Variants in GIGYF2 observed in about 807,000 individuals in gnomAD.
GIGYF2 encodes the protein GRB10-interacting GYF protein 2.
Under a neutral mutation model 208.1 loss-of-function variants are expected in GIGYF2, and 25 were observed. That is an observed-to-expected ratio of 0.12 (90% CI 0.09 to 0.17). The LOEUF is 0.17. GIGYF2 is among the 10% of genes least tolerant of loss of function. The probability of loss-of-function intolerance (pLI) is 1.00; values close to 1 mark genes in which losing one functional copy is unlikely to be tolerated. For missense variants in GIGYF2, 1,302 were observed against 1,579.4 expected (o/e 0.82, Z 2.98); for synonymous variants, 534 against 543.8 (o/e 0.98, Z 0.25).
At position 232,845,773 on chromosome 2, in the gene GIGYF2, A is replaced by C; in HGVS notation, c.3347A>C (p.Glu1116Ala). ...GVSNRQNKKVEEEEKLLKLFQ... is the reference protein window; with the variant it reads ...GVSNRQNKKVAEEEKLLKLFQ... ...TCTAACCGGCAGAATAAGAAAGTAG[A>C]AGAAGAAGAAAAGTTGCTGAAGCTC... Residue 1116 changes from glutamate to alanine, a missense_variant, in exon 26 of 29, where the codon GAA becomes GCA. By Grantham distance (107) the Glu-to-Ala change is moderately radical. Around this residue, in one of 8 missense-constraint regions of GIGYF2, gnomAD observed 701 missense variants for 793.0 expected, o/e 0.88. Transcript: ENST00000373563. The C allele has an allele frequency of 6.2e-7, 1 of 1,607,070 alleles. No individual in the cohort carries two copies. Among genetic ancestry groups the C allele is most frequent in the East Asian group, 2.2e-5 (1 of 44,860 alleles).
At chr2:232,833,723 G>T (rs1243407108) in intron 22 of GIGYF2, among the ~76,000 whole-genome samples, 1 of 152,172 alleles carries the variant, frequency 6.6e-6, no homozygotes, top group Non-Finnish European at 1.5e-5. Flanking sequence ...GTTGCTCCCA[G>T]AGAGCTCACC....
chr2:232,846,249 A>G (rs555436163), intron 26 of GIGYF2, among the ~76,000 whole-genome samples: 2 of 152,324 alleles, frequency 1.3e-5, no homozygotes, highest in South Asian at 2.1e-4. Flanking sequence ...TGGACAAGTG[A>G]TGGCTGAAGT....
intron 12 of GIGYF2, among the ~76,000 whole-genome samples, chr2:232,792,480 T>TAATC (rs1369383095): frequency 3.9e-5 from 6 of 152,166 alleles, no homozygotes; most frequent in African/African-American, 1.4e-4. Flanking sequence ...CACGTGCTTG[T>TAATC]AATCCCAGCT....
chr2:232,815,869 A>G (rs1250597147), intron 19 of GIGYF2, 132 bp downstream of exon 19: 1 of 681,084 alleles, frequency 1.5e-6, no homozygotes, highest in East Asian at 2.7e-5. Flanking sequence ...GTATAAGTAC[A>G]TTCATATTGT....
intron 8 of GIGYF2, among the ~76,000 whole-genome samples, chr2:232,762,245 TTTTTG>T (rs1428131940): frequency 2.7e-5 from 4 of 148,462 alleles, no homozygotes; most frequent in African/African-American, 9.9e-5. Context: ...TTTGTTTTTT[TTTTTG>T]TTTTTTTTTG....
At chr2:232,778,079 C>T (rs990194475) in intron 8 of GIGYF2, among the ~76,000 whole-genome samples, 4 of 151,978 alleles carry the variant, frequency 2.6e-5, no homozygotes, top group African/African-American at 9.6e-5. Flanking sequence ...CCACCCCCTG[C>T]AGTAATGCCA....
chr2:232,832,115 G>A (rs994565334), intron 21 of GIGYF2, among the ~76,000 whole-genome samples: 2 of 152,190 alleles, frequency 1.3e-5, no homozygotes, highest in East Asian at 1.9e-4. Flanking sequence ...CAAAGGTGAA[G>A]TATACCTCCT....
chr2:232,779,584 A>G (rs1029747012), intron 8 of GIGYF2, among the ~76,000 whole-genome samples: 1 of 152,156 alleles, frequency 6.6e-6, no homozygotes, highest in East Asian at 1.9e-4. Context: ...CCACATGTCC[A>G]AGCCAACTAC....
intron 3 of GIGYF2, among the ~76,000 whole-genome samples, chr2:232,739,459 G>A (rs535266559): frequency 6.0e-5 from 9 of 148,902 alleles, no homozygotes; most frequent in African/African-American, 2.2e-4. Context: ...GATCACTTGA[G>A]CCCAGAAGTT....
chr2:232,730,608 A>AG (rs1353595120), intron 2 of GIGYF2, among the ~76,000 whole-genome samples: 15 of 139,362 alleles, frequency 1.1e-4, no homozygotes, highest in African/African-American at 4.0e-4. Flanking sequence ...CAGTCTTAAA[A>AG]AAAAAAAAGG....
intron 5 of GIGYF2, among the ~76,000 whole-genome samples, chr2:232,752,341 G>T (rs1698365045): frequency 6.6e-6 from 1 of 152,016 alleles, no homozygotes; most frequent in South Asian, 2.1e-4. Context: ...ATAACTTAAA[G>T]CAGGCTTCTT....
chr2:232,733,211 C>T (rs927726832), intron 2 of GIGYF2, among the ~76,000 whole-genome samples: 8 of 148,214 alleles, frequency 5.4e-5, no homozygotes, highest in East Asian at 2.0e-4. Flanking sequence ...GAGCCGTGAT[C>T]GCGCCACTGT....
intron 18 of GIGYF2, among the ~76,000 whole-genome samples, chr2:232,814,158 T>C (rs1206206131): frequency 6.6e-6 from 1 of 152,074 alleles, no homozygotes; most frequent in East Asian, 1.9e-4. Flanking sequence ...ACTGCTAGGA[T>C]TACAGGCATG....
chr2:232,779,652 G>A (rs1423182150), intron 8 of GIGYF2, among the ~76,000 whole-genome samples: 3 of 152,182 alleles, frequency 2.0e-5, no homozygotes, highest in Non-Finnish European at 4.4e-5. Context: ...AGACAGCTGA[G>A]CATGAGGGCT....
rs1698704036 is a variant in GIGYF2, at chr2:232,760,402, A to C, written c.380-78A>C. The C allele has an allele frequency of 5.5e-6, 5 of 903,620 alleles. No homozygotes were observed. In the Admixed American group the frequency reaches 5.7e-5, roughly 10 times the overall value. 56.0% of individuals were successfully genotyped at this position (903,620 alleles called of 1,614,324 possible). A position where few individuals can be genotyped will look rare whatever the true frequency, so the allele number is the denominator to read the frequency against. On this transcript the variant is annotated intron_variant, in intron 6 of 28. Coordinates refer to ENST00000373563, the MANE Select transcript of GIGYF2 (RefSeq NM_001103146.3). ...CTGCCTTGTATAGAGATAGAACTTT[A>C]GATATTAATTTATGGTGGTGAATGT...
At chr2:232,713,169 G>C (rs1696510125) in intron 2 of GIGYF2, among the ~76,000 whole-genome samples, 1 of 150,756 alleles carries the variant, frequency 6.6e-6, no homozygotes, top group Non-Finnish European at 1.5e-5. Flanking sequence ...ACCGCCTCTT[G>C]GGTTCAAGCT....
intron 6 of GIGYF2, among the ~76,000 whole-genome samples, chr2:232,758,662 T>C (rs1256372582): frequency 6.6e-6 from 1 of 152,160 alleles, no homozygotes; most frequent in East Asian, 1.9e-4. Context: ...TCAGTGCTAG[T>C]TATAACTGAG....
At chr2:232,765,030 TCTA>T (rs1161872634) in intron 8 of GIGYF2, among the ~76,000 whole-genome samples, 51 of 152,188 alleles carry the variant, frequency 3.4e-4, no homozygotes, top group South Asian at 2.1e-4. Flanking sequence ...CTAGTTAGTA[TCTA>T]CTATTATATA....
chr2:232,749,574 G>A (rs13398944), intron 5 of GIGYF2, among the ~76,000 whole-genome samples: 4,303 of 152,116 alleles, frequency 0.028, 213 homozygotes, highest in African/African-American at 0.096. Flanking sequence ...GGAAAGTAGC[G>A]AATTTAGTGT....
Sources: gnomAD v4.1 joint callset for allele counts (sites outside exome capture counted in the v4.1 genomes callset) on GRCh38, gnomAD v4.1.1 for gene constraint, gnomAD v4.1.1 regional missense constraint, MANE v1.5 for transcripts, NCBI Gene and HGNC (gene_info 2026-07-23, HGNC 2026-07-21) for gene names.